Variants in SASS6 observed in about 807,000 individuals in gnomAD.
SASS6 encodes spindle assembly abnormal protein 6 homolog.
SASS6 carries 59 observed loss-of-function variants against 94.9 expected under a neutral mutation model. That is an observed-to-expected ratio of 0.62 (90% CI 0.50 to 0.77). SASS6 has a LOEUF of 0.77. Among genes scored for constraint, SASS6 ranks in the 30% least tolerant of loss-of-function variants. The pLI is 0.00. For missense variants in SASS6, 698 were observed against 734.1 expected (o/e 0.95, Z 0.57); for synonymous variants, 264 against 270.0 (o/e 0.98, Z 0.22).
intron 14 of SASS6, among the ~76,000 whole-genome samples, chr1:100,091,444 G>A (rs927174723): frequency 6.6e-6 from 1 of 151,844 alleles, no homozygotes; most frequent in African/African-American, 2.4e-5. Flanking sequence ...TAATGTCCAG[G>A]ATACAATCCA....
intron 2 of SASS6, among the ~76,000 whole-genome samples, chr1:100,125,238 T>A (rs1459813349): frequency 6.6e-6 from 1 of 151,770 alleles, no homozygotes; most frequent in Admixed American, 6.6e-5. Context: ...TGTGTGTGTG[T>A]GTGTGTGTGT....
At chr1:100,085,498 C>T in intron 16 of SASS6, 38 bp downstream of exon 16, 12 of 1,574,910 alleles carry the variant, frequency 7.6e-6, no homozygotes, top group Non-Finnish European at 1.0e-5. Flanking sequence ...AAATTTAATT[C>T]AACTATAAAG....
chr1:100,112,992 A>G (rs1310202338), intron 7 of SASS6, among the ~76,000 whole-genome samples: 4 of 152,208 alleles, frequency 2.6e-5, no homozygotes, highest in African/African-American at 7.2e-5. Context: ...GGGCTGCCTA[A>G]CAATCCTATC....
At chr1:100,091,294 T>C (rs1311222717) in intron 14 of SASS6, among the ~76,000 whole-genome samples, 4 of 151,984 alleles carry the variant, frequency 2.6e-5, no homozygotes, top group Non-Finnish European at 5.9e-5. Context: ...GAAACTCTTT[T>C]GAAAAAAATT....
intron 14 of SASS6, among the ~76,000 whole-genome samples, chr1:100,092,625 G>C (rs368063148): frequency 1.7e-4 from 26 of 151,922 alleles, no homozygotes; most frequent in African/African-American, 5.3e-4. Context: ...ACCCAGGCTA[G>C]AGTGCAGAGG....
intron 1 of SASS6, among the ~76,000 whole-genome samples, 186 bp downstream of exon 1, chr1:100,132,564 C>G (rs1655151359): frequency 6.6e-6 from 1 of 152,302 alleles, no homozygotes; most frequent in South Asian, 2.1e-4. Flanking sequence ...TTCCTCCAGT[C>G]CCCTCTGCAA....
intron 14 of SASS6, among the ~76,000 whole-genome samples, 197 bp downstream of exon 14, chr1:100,102,758 G>GACATCAGTCTGTTTAAACCTCACTTA (rs1652597754): frequency 6.6e-6 from 1 of 151,014 alleles, no homozygotes; most frequent in African/African-American, 2.4e-5. Flanking sequence ...AGAAATTACA[G>GACATCAGTCTGTTTAAACCTCACTTA]TGACTCAAGA....
rs1429794783 is a variant in SASS6, at chr1:100,108,107, A to G, written c.862-103T>C. The G allele has an allele frequency of 1.6e-5, 10 of 639,322 alleles. No individual in the cohort carries two copies. The East Asian group carries it at 1.8e-4, about 11-fold the overall frequency. The allele number at this position is 639,322 out of a possible 1,614,324, so 39.6% of individuals were successfully genotyped here. ...CTAACATATTAAAAAAAAGTCTTTAATAATTTTAAAGTTTTAGTACAGATT... is the reference window on the plus strand; with the variant it reads ...CTAACATATTAAAAAAAAGTCTTTAGTAATTTTAAAGTTTTAGTACAGATT... On this transcript the variant is annotated intron_variant, in intron 8 of 16. Transcript: ENST00000287482.
At chr1:100,109,874 C>CATTAACTA in intron 8 of SASS6, among the ~76,000 whole-genome samples, 1 of 151,768 alleles carries the variant, frequency 6.6e-6, no homozygotes, top group Admixed American at 6.6e-5. Context: ...GCTCAGTAAG[C>CATTAACTA]ATTAACTATT....
At chr1:100,131,951 A>C (rs2101701195) in intron 1 of SASS6, among the ~76,000 whole-genome samples, 1 of 152,320 alleles carries the variant, frequency 6.6e-6, no homozygotes, top group East Asian at 1.9e-4. Context: ...TTCAGAGAAA[A>C]AAAGAGACAA....
chr1:100,085,511 C>A (rs1274223797), intron 16 of SASS6, 25 bp downstream of exon 16: 1 of 1,594,360 alleles, frequency 6.3e-7, no homozygotes, highest in African/African-American at 1.3e-5. Context: ...CTATAAAGTA[C>A]AAAAATCCAG....
chr1:100,130,414 C>T (rs1241951088), intron 1 of SASS6, among the ~76,000 whole-genome samples: 1 of 152,152 alleles, frequency 6.6e-6, no homozygotes. Flanking sequence ...GGCGTGGTGG[C>T]TCACGCCTAT....
At chr1:100,128,206 T>A (rs1440292252) in intron 1 of SASS6, among the ~76,000 whole-genome samples, 1 of 152,026 alleles carries the variant, frequency 6.6e-6, no homozygotes, top group Non-Finnish European at 1.5e-5. Flanking sequence ...CTGGCTAATT[T>A]TCGTATTTTT....
intron 14 of SASS6, among the ~76,000 whole-genome samples, chr1:100,091,197 C>T (rs539283451): frequency 7.6e-4 from 115 of 152,114 alleles, no homozygotes; most frequent in African/African-American, 2.7e-3. Flanking sequence ...CCCAGCTATT[C>T]GGAAGGCTGA....
chr1:100,093,446 G>A (rs548945436), intron 14 of SASS6, among the ~76,000 whole-genome samples: 1 of 152,210 alleles, frequency 6.6e-6, no homozygotes, highest in Non-Finnish European at 1.5e-5. Context: ...AGTCTATCTT[G>A]GTTAGTGTTC....
intron 14 of SASS6, among the ~76,000 whole-genome samples, chr1:100,092,078 G>T (rs1011891548): frequency 3.4e-5 from 5 of 147,804 alleles, no homozygotes; most frequent in African/African-American, 1.0e-4. Context: ...TTGGGAAAAG[G>T]TTCACCAAGC....
chr1:100,102,869 A>G, intron 14 of SASS6, 86 bp downstream of exon 14: 1 of 1,034,588 alleles, frequency 9.7e-7, no homozygotes, highest in Non-Finnish European at 1.5e-6. Flanking sequence ...CCAAAGAATA[A>G]ATGAACTTTT....
chr1:100,106,630 T>A (rs1333266584), intron 12 of SASS6, among the ~76,000 whole-genome samples: 1 of 152,064 alleles, frequency 6.6e-6, no homozygotes, highest in Non-Finnish European at 1.5e-5. Flanking sequence ...GGCGGGTGGA[T>A]CACTTGAGCT....
intron 14 of SASS6, among the ~76,000 whole-genome samples, chr1:100,099,815 G>C (rs1652338657): frequency 6.6e-6 from 1 of 152,118 alleles, no homozygotes; most frequent in Admixed American, 6.5e-5. Flanking sequence ...TCCAGACTTT[G>C]TTTTTTGGTC....
Sources: allele counts gnomAD v4.1 joint callset (sites outside exome capture counted in the v4.1 genomes callset), GRCh38; gene constraint gnomAD v4.1.1; transcripts MANE v1.5; gene names NCBI Gene and HGNC (gene_info 2026-07-23, HGNC 2026-07-21).